Variants in CCSER1 observed in about 807,000 individuals in gnomAD.
CCSER1 encodes the protein serine-rich coiled-coil domain-containing protein 1.
Under a neutral mutation model 82.0 loss-of-function variants are expected in CCSER1, and 41 were observed. The ratio of observed to expected loss-of-function variants is 0.50; its 90% CI spans 0.39 to 0.65. CCSER1 has a LOEUF of 0.65. Among genes scored for constraint, CCSER1 ranks in the 30% least tolerant of loss-of-function variants. The pLI is 0.00. For missense variants in CCSER1, 1,119 were observed against 1,064.2 expected, an observed-to-expected ratio of 1.05 and a Z score of -0.72; for synonymous variants, 414 against 383.9, an observed-to-expected ratio of 1.08 and a Z score of -0.92.
At chr4:90,768,085 A>G (rs1168035342) in intron 7 of CCSER1, among the ~76,000 whole-genome samples, 1 of 152,222 alleles carries the variant, frequency 6.6e-6, no homozygotes, top group African/African-American at 2.4e-5. Flanking sequence ...TATGGAAGAA[A>G]TAAGTTGTCA....
At chr4:91,593,560 C>T (rs907977966) in intron 10 of CCSER1, among the ~76,000 whole-genome samples, 1 of 148,586 alleles carries the variant, frequency 6.7e-6, no homozygotes, top group African/African-American at 2.5e-5. Flanking sequence ...GATCCGCCCA[C>T]CTCGGCCTCC....
intron 3 of CCSER1, among the ~76,000 whole-genome samples, chr4:90,358,329 TA>T (rs1316112309): frequency 6.6e-6 from 1 of 152,130 alleles, no homozygotes; most frequent in Admixed American, 6.5e-5. Context: ...TCTAGTCAGC[TA>T]ACTCCACTGA....
chr4:90,903,855 G>T (rs906768764), intron 8 of CCSER1, among the ~76,000 whole-genome samples: 1 of 145,930 alleles, frequency 6.9e-6, no homozygotes. Context: ...AAAAAAATAG[G>T]TAAGACAGGT....
chr4:90,931,360 A>G (rs1406457007), intron 9 of CCSER1, among the ~76,000 whole-genome samples: 1 of 151,166 alleles, frequency 6.6e-6, no homozygotes, highest in Non-Finnish European at 1.5e-5. Context: ...GAATTTTAAT[A>G]TGATTAAATT....
intron 4 of CCSER1, among the ~76,000 whole-genome samples, chr4:90,410,680 A>T: frequency 6.6e-6 from 1 of 152,216 alleles, no homozygotes; most frequent in Non-Finnish European, 1.5e-5. Flanking sequence ...GAAAGCAGGA[A>T]ATATCTAAAA....
At chr4:90,905,081 C>A (rs1419231272) in intron 8 of CCSER1, among the ~76,000 whole-genome samples, 3 of 152,040 alleles carry the variant, frequency 2.0e-5, no homozygotes, top group African/African-American at 7.2e-5. Context: ...TTAAATCTAA[C>A]TCTTATTTTG....
At chr4:90,404,375 C>T (rs2153548035) in intron 4 of CCSER1, among the ~76,000 whole-genome samples, 1 of 152,262 alleles carries the variant, frequency 6.6e-6, no homozygotes, top group African/African-American at 2.4e-5. Flanking sequence ...GGTGGTCTTT[C>T]TCTACCCTCC....
At chr4:90,717,003 T>C (rs950573468) in intron 6 of CCSER1, among the ~76,000 whole-genome samples, 2 of 152,170 alleles carry the variant, frequency 1.3e-5, no homozygotes, top group African/African-American at 4.8e-5. Context: ...CTAAGGATGT[T>C]CCATCTACTT....
intron 10 of CCSER1, among the ~76,000 whole-genome samples, chr4:91,146,471 T>G (rs1020556235): frequency 2.0e-5 from 3 of 152,190 alleles, no homozygotes; most frequent in Admixed American, 1.3e-4. Context: ...GCTAATGCAA[T>G]TTTTGCAGGT....
chr4:91,363,005 G>A (rs1194867042), intron 10 of CCSER1, among the ~76,000 whole-genome samples: 1 of 151,706 alleles, frequency 6.6e-6, no homozygotes, highest in Non-Finnish European at 1.5e-5. Context: ...GACCCTCATT[G>A]TATCCATCCT....
At chr4:91,177,295 C>T (rs1160940272) in intron 10 of CCSER1, among the ~76,000 whole-genome samples, 4 of 152,260 alleles carry the variant, frequency 2.6e-5, no homozygotes, top group African/African-American at 9.6e-5. Flanking sequence ...TCTGCTGTGT[C>T]TCTGCCAGGC....
At chr4:90,893,579 C>A (rs1373677379) in intron 8 of CCSER1, among the ~76,000 whole-genome samples, 10 of 152,046 alleles carry the variant, frequency 6.6e-5, no homozygotes, top group Admixed American at 3.9e-4. Context: ...TTGCCCTAAG[C>A]TGTGGCCACC....
At chr4:90,500,101 C>G (rs551421656) in intron 5 of CCSER1, among the ~76,000 whole-genome samples, 1 of 151,906 alleles carries the variant, frequency 6.6e-6, no homozygotes, top group East Asian at 1.9e-4. Context: ...CAATAAAGAC[C>G]CTGGCGTTTG....
chr4:91,148,014 C>T (rs952682243), intron 10 of CCSER1, among the ~76,000 whole-genome samples: 6 of 152,040 alleles, frequency 3.9e-5, no homozygotes, highest in African/African-American at 1.4e-4. Flanking sequence ...AATGTATCTA[C>T]CTAGAATTCA....
chr4:90,630,577 C>A (rs1038807985), intron 6 of CCSER1, among the ~76,000 whole-genome samples: 1 of 151,954 alleles, frequency 6.6e-6, no homozygotes, highest in East Asian at 1.9e-4. Context: ...TTGTGCAGCC[C>A]ATTCAGTGAG....
intron 5 of CCSER1, among the ~76,000 whole-genome samples, chr4:90,559,629 TG>T (rs778388186): frequency 2.0e-5 from 3 of 151,816 alleles, no homozygotes; most frequent in Non-Finnish European, 4.4e-5. Context: ...GAGGCCAGCC[TG>T]GGCAATATGG....
intron 3 of CCSER1, among the ~76,000 whole-genome samples, chr4:90,366,553 A>G (rs1470611085): frequency 6.6e-6 from 1 of 151,814 alleles, no homozygotes; most frequent in Non-Finnish European, 1.5e-5. Context: ...ATTATTAACT[A>G]TATTCACCAG....
chr4:91,387,060 A>G (rs1560631942), intron 10 of CCSER1, among the ~76,000 whole-genome samples: 1 of 152,042 alleles, frequency 6.6e-6, no homozygotes, highest in African/African-American at 2.4e-5. Context: ...TCATTCATAA[A>G]ATGTGAATAT....
chr4:90,308,622 G>T lies in CCSER1; in HGVS notation c.338G>T (p.Gly113Val). ...TTGGAAGAACATATTAAGACCAGGGGAAGACATTCTGTTGGTTTTAGTAGT... is the reference window on the plus strand; with the variant it reads ...TTGGAAGAACATATTAAGACCAGGGTAAGACATTCTGTTGGTTTTAGTAGT... Reference protein sequence around the residue: ...LSLEEHIKTRGRHSVGFSSSR... With the variant: ...LSLEEHIKTRVRHSVGFSSSR... The change falls in exon 2 of 11, where the codon GGA becomes GTA. Residue 113 changes from glycine (G) to valine (V), a missense_variant. Gly to Val is a moderately radical substitution (Grantham distance 109, BLOSUM62 -3). Coordinates refer to ENST00000509176, the MANE Select transcript of CCSER1 (RefSeq NM_001145065.2). 6.2e-7 allele frequency: 1 copy of T among 1,613,830 alleles called. No homozygotes were observed. The highest frequency in any genetic ancestry group is 1.1e-5 in the South Asian group (1 of 91,082).
Sources: gnomAD v4.1 joint callset for allele counts (sites outside exome capture counted in the v4.1 genomes callset) on GRCh38, gnomAD v4.1.1 for gene constraint, MANE v1.5 for transcripts, NCBI Gene and HGNC (gene_info 2026-07-23, HGNC 2026-07-21) for gene names.